Variants in KIRREL3 observed in about 807,000 individuals in gnomAD.
The protein encoded by KIRREL3 is kin of IRRE-like protein 3.
In KIRREL3, 36 loss-of-function variants were observed where a neutral mutation model predicts 89.7. The ratio of observed to expected loss-of-function variants is 0.40; its 90% CI spans 0.31 to 0.53. KIRREL3 has a LOEUF of 0.53. Among genes scored for constraint, KIRREL3 ranks in the 20% least tolerant of loss-of-function variants. The probability of loss-of-function intolerance (pLI) is 0.49; values close to 1 mark genes in which losing one functional copy is unlikely to be tolerated. For missense variants in KIRREL3, 864 were observed against 1,056.6 expected, an observed-to-expected ratio of 0.82 and a Z score of 2.53; for synonymous variants, 445 against 441.4, an observed-to-expected ratio of 1.01 and a Z score of -0.10.
At chr11:126,942,114 T>G (rs553277578) in intron 1 of KIRREL3, among the ~76,000 whole-genome samples, 2 of 152,288 alleles carry the variant, frequency 1.3e-5, no homozygotes, top group South Asian at 4.2e-4. Context: ...CCTTCCCAGC[T>G]CAAGTCTTCT....
rs1045658730 is a variant in KIRREL3, at chr11:126,772,749, T to C, written c.56-209837A>G. 7.2e-5 allele frequency among the ~76,000 whole-genome samples: 11 copies of C among 152,170 alleles called. No individual in the cohort carries two copies. Among genetic ancestry groups the C allele is most frequent in the African/African-American group, 2.7e-4 (11 of 41,448 alleles). ...GGGAAGTCACTGCAGCCTCTGGGGG[T>C]GCCATCGTGGTGCCTTCTGCTTCCT... On this transcript the variant is annotated intron_variant, in intron 1 of 16. Transcript: ENST00000525144. The surrounding 1 kb of genome is among the most constrained non-coding windows in gnomAD (Gnocchi z 4.6).
Position 126,892,271 on chromosome 11 carries a change from G to A in KIRREL3, c.55+108184C>T, listed in dbSNP as rs545205075. Among the ~76,000 whole-genome samples the A allele has an allele frequency of 2.0e-4, 30 of 152,116 alleles. No individual in the cohort carries two copies. Among genetic ancestry groups the A allele is most frequent in the African/African-American group, 2.6e-4 (11 of 41,522 alleles). The stretch of plus-strand genomic sequence containing the variant: ...CTGCTCTGTTTTCTTCATCCCCTTC[G>A]TACCCTCCTGCTCAGCAGAAGCTGA... On this transcript the variant is annotated intron_variant, in intron 1 of 16. Transcript: ENST00000525144. The surrounding 1 kb of genome is among the most constrained non-coding windows in gnomAD (Gnocchi z 5.4).
At position 126,946,371 on chromosome 11, in the gene KIRREL3, C is replaced by T. The variant is rs1051653417; in HGVS notation, c.55+54084G>A. On this transcript the variant is annotated intron_variant, in intron 1 of 16. Transcript: ENST00000525144. This position sits in a 1 kb window ranked among gnomAD's most constrained non-coding sequence, Gnocchi z 4.1. ...TGGGAGTTGCAAGACCTGGTTTGGT[C>T]CTCATGCATTGGATCACCTTACTCA... Among the ~76,000 whole-genome samples the T allele has an allele frequency of 6.6e-6, 1 of 152,124 alleles. No individual in the cohort carries two copies. Among genetic ancestry groups the T allele is most frequent in the Non-Finnish European group, 1.5e-5 (1 of 68,018 alleles).
At chr11:126,923,252 C>CTT (rs1289706120) in intron 1 of KIRREL3, among the ~76,000 whole-genome samples, 4 of 98,536 alleles carry the variant, frequency 4.1e-5, no homozygotes, top group African/African-American at 1.4e-4. Context: ...TCTTCTTCTT[C>CTT]TTCTTCTTCT....
At chr11:126,464,418 C>A (rs890141804) in intron 5 of KIRREL3, among the ~76,000 whole-genome samples, 1 of 151,244 alleles carries the variant, frequency 6.6e-6, no homozygotes, top group East Asian at 1.9e-4. Flanking sequence ...GTAGTCCCAG[C>A]TACTTGGGAG....
rs182770337 is a variant in KIRREL3, at chr11:126,792,081, G to A, written c.55+208374C>T. 1.3e-3 allele frequency among the ~76,000 whole-genome samples: 202 copies of A among 152,232 alleles called. 2 individuals carry two copies. The highest frequency in any genetic ancestry group is 4.5e-3 in the African/African-American group (186 of 41,536). On this transcript the variant is annotated intron_variant, in intron 1 of 16. Transcript: ENST00000525144. ...GCTCTTAGCTGGCTAGTAAGGAATC[G>A]AGCCAGCAGAATGTTAACGATGGGA...
At chr11:126,452,156 T>C (rs568778761) in intron 7 of KIRREL3, among the ~76,000 whole-genome samples, 22 of 152,334 alleles carry the variant, frequency 1.4e-4, no homozygotes, top group African/African-American at 5.1e-4. Flanking sequence ...TAATATTGGG[T>C]AATTATTAAG....
intron 1 of KIRREL3, among the ~76,000 whole-genome samples, chr11:126,787,414 C>A (rs969228017): frequency 6.6e-6 from 1 of 152,120 alleles, no homozygotes; most frequent in Admixed American, 6.5e-5. Context: ...ATAGTCCACC[C>A]CACCCAAATC....
chr11:126,959,880 T>A (rs1261291593), intron 1 of KIRREL3, among the ~76,000 whole-genome samples: 1 of 152,214 alleles, frequency 6.6e-6, no homozygotes, highest in African/African-American at 2.4e-5. Context: ...CCATTAGCAC[T>A]GCTATAGACC....
intron 1 of KIRREL3, among the ~76,000 whole-genome samples, chr11:126,851,984 C>T (rs1295212227): frequency 6.6e-6 from 1 of 151,730 alleles, no homozygotes; most frequent in Non-Finnish European, 1.5e-5. Context: ...CCTTGCCTGA[C>T]CCTACTGGCT....
In KIRREL3 at chr11:126,517,136, A is replaced by AAGAGAGAAAGAGAGAGAGAGAGAGAG. The variant is rs1958437696; in HGVS notation, c.433+4178_433+4179insCTCTCTCTCTCTCTCTCTTTCTCTCT. Among the ~76,000 whole-genome samples, 71 of 140,796 alleles carry AAGAGAGAAAGAGAGAGAGAGAGAGAG rather than the reference A, an allele frequency of 5.0e-4. 1 individual carries two copies. The highest frequency in any genetic ancestry group is 8.8e-4 in the Non-Finnish European group (57 of 64,514). 92.4% of individuals were successfully genotyped at this position (140,796 alleles called of 152,430 possible). On this transcript the variant is annotated intron_variant, in intron 4 of 16. Coordinates refer to ENST00000525144, the MANE Select transcript of KIRREL3 (RefSeq NM_032531.4). Reference sequence around the variant, plus strand: ...TTAGAGATTGAGAGAGAGAGAGAGAAAGAGAGAGAGAGAGAGAGAGAGAGA... The same window carrying AAGAGAGAAAGAGAGAGAGAGAGAGAG: ...TTAGAGATTGAGAGAGAGAGAGAGAAAGAGAGAAAGAGAGAGAGAGAGAGAGAGAGAGAGAGAGAGAGAGAGAGAGA...
Position 126,425,672 on chromosome 11 carries a change from A to G in KIRREL3, c.1859T>C (p.Leu620Pro). 1.9e-6 allele frequency: 3 copies of G among 1,596,362 alleles called. No individual in the cohort carries two copies. Among genetic ancestry groups the G allele is most frequent in the Non-Finnish European group, 2.6e-6 (3 of 1,170,700 alleles). The change falls in exon 16 of 17, where the codon CTC becomes CCC. Residue 620 changes from leucine (L) to proline (P), a missense_variant. By Grantham distance (98) the Leu-to-Pro change is moderately conservative. Coordinates refer to ENST00000525144, the MANE Select transcript of KIRREL3 (RefSeq NM_032531.4). ...QDSVLKQLEV[L>P]KEEEKEFQNL... Reference sequence around the variant, plus strand: ...CTGAAACTCTTTCTCCTCTTCTTTGAGGACCTCCAGCTGTTTCAGGACTGA... The same window carrying G: ...CTGAAACTCTTTCTCCTCTTCTTTGGGGACCTCCAGCTGTTTCAGGACTGA...
intron 1 of KIRREL3, among the ~76,000 whole-genome samples, chr11:126,573,051 G>A (rs572092253): frequency 1.3e-5 from 2 of 152,258 alleles, no homozygotes; most frequent in Admixed American, 1.3e-4. Context: ...GGAGTGCAGG[G>A]TTTTTAGGGG....
At chr11:126,721,994 C>T (rs1051927564) in intron 1 of KIRREL3, among the ~76,000 whole-genome samples, 3 of 152,180 alleles carry the variant, frequency 2.0e-5, no homozygotes. Context: ...GAAGTCCTTC[C>T]CTGTGAACAA....
Position 126,993,987 on chromosome 11 carries a change from T to C in KIRREL3, c.55+6468A>G, listed in dbSNP as rs147664913. On this transcript the variant is annotated intron_variant, in intron 1 of 16. Transcript: ENST00000525144. This position sits in a 1 kb window ranked among gnomAD's most constrained non-coding sequence, Gnocchi z 6.1. ...AGACCATCTAGATAATTCAGCATGA[T>C]GCGCACACATCCTTTCTTATACTGA... 8.5e-3 allele frequency among the ~76,000 whole-genome samples: 1,292 copies of C among 152,208 alleles called. 24 individuals carry two copies. Among genetic ancestry groups the C allele is most frequent in the African/African-American group, 0.03 (1,243 of 41,514 alleles).
At chr11:126,743,574 C>T (rs1176404617) in intron 1 of KIRREL3, among the ~76,000 whole-genome samples, 23 of 152,170 alleles carry the variant, frequency 1.5e-4, no homozygotes, top group Admixed American at 1.5e-3. Context: ...AAGAAGAATT[C>T]TTGTTGGACG....
chr11:126,833,263 G>A (rs573656069), intron 1 of KIRREL3, among the ~76,000 whole-genome samples: 1 of 152,316 alleles, frequency 6.6e-6, no homozygotes, highest in East Asian at 1.9e-4. Flanking sequence ...GAGCTAATGA[G>A]CCCTTAGAAG....
intron 1 of KIRREL3, among the ~76,000 whole-genome samples, chr11:126,592,004 A>G (rs954867672): frequency 3.3e-5 from 5 of 152,064 alleles, no homozygotes; most frequent in African/African-American, 1.2e-4. Flanking sequence ...GTGCAGTGCC[A>G]CGGCTGGGGG....
At chr11:126,858,853 G>A (rs1592235465) in intron 1 of KIRREL3, among the ~76,000 whole-genome samples, 1 of 152,216 alleles carries the variant, frequency 6.6e-6, no homozygotes, top group African/African-American at 2.4e-5. Flanking sequence ...TCTTCACCTG[G>A]ATGTCAGGTT....
Sources: gnomAD v4.1 joint callset for allele counts (sites outside exome capture counted in the v4.1 genomes callset) on GRCh38, gnomAD v4.1.1 for gene constraint, Gnocchi (gnomAD v3.1) non-coding constraint, MANE v1.5 for transcripts, NCBI Gene and HGNC (gene_info 2026-07-23, HGNC 2026-07-21) for gene names.